Variants in LRMDA observed in about 807,000 individuals in gnomAD.
LRMDA encodes the protein leucine-rich melanocyte differentiation-associated protein.
In LRMDA, 18 loss-of-function variants were observed where a neutral mutation model predicts 29.8. The observed-to-expected ratio is 0.60, with a 90% CI of 0.42 to 0.90. The LOEUF (loss-of-function observed/expected upper bound fraction) is 0.90. Ranked by LOEUF, LRMDA falls within the 40% of genes least tolerant of loss-of-function variation. The pLI is 0.00. For missense variants in LRMDA, 273 were observed against 273.9 expected, an observed-to-expected ratio of 1.00 and a Z score of 0.02; for synonymous variants, 125 against 109.4, an observed-to-expected ratio of 1.14 and a Z score of -0.89.
At chr10:76,154,983 C>T (rs768615418) in intron 5 of LRMDA, among the ~76,000 whole-genome samples, 21 of 152,228 alleles carry the variant, frequency 1.4e-4, no homozygotes, top group Middle Eastern at 3.4e-3. Flanking sequence ...TAAGTCATTT[C>T]GGCTCTCATT....
chr10:76,204,528 C>CAGTT (rs1418473947), intron 5 of LRMDA, among the ~76,000 whole-genome samples: 3 of 152,226 alleles, frequency 2.0e-5, no homozygotes, highest in Non-Finnish European at 2.9e-5. Context: ...AAACAAGACA[C>CAGTT]AGTTTTTAAA....
chr10:76,484,910 C>T (rs932022118), intron 6 of LRMDA, among the ~76,000 whole-genome samples: 15 of 151,796 alleles, frequency 9.9e-5, no homozygotes, highest in Admixed American at 4.6e-4. Context: ...TCTTTATCTC[C>T]GATAATTTTC....
chr10:76,177,024 C>A (rs1850949234), intron 5 of LRMDA, among the ~76,000 whole-genome samples: 1 of 152,198 alleles, frequency 6.6e-6, no homozygotes, highest in Non-Finnish European at 1.5e-5. Flanking sequence ...AGGACCTGGG[C>A]ACCCAATGGT....
chr10:75,963,237 T>C (rs1483778069), intron 2 of LRMDA, among the ~76,000 whole-genome samples: 1 of 152,198 alleles, frequency 6.6e-6, no homozygotes, highest in Non-Finnish European at 1.5e-5. Flanking sequence ...AATAAAGTAA[T>C]CCAAGAATCT....
intron 2 of LRMDA, among the ~76,000 whole-genome samples, chr10:75,660,463 A>G (rs1841737769): frequency 6.6e-6 from 1 of 152,202 alleles, no homozygotes. Context: ...GCCACCATTG[A>G]TGCCTCTGTT....
intron 2 of LRMDA, among the ~76,000 whole-genome samples, chr10:75,778,308 C>A (rs889102211): frequency 6.6e-6 from 1 of 152,086 alleles, no homozygotes; most frequent in Non-Finnish European, 1.5e-5. Context: ...GAACTCCTGG[C>A]CTCAAGTGAT....
intron 5 of LRMDA, among the ~76,000 whole-genome samples, chr10:76,109,577 C>G (rs913594997): frequency 6.6e-6 from 1 of 152,196 alleles, no homozygotes; most frequent in Non-Finnish European, 1.5e-5. Flanking sequence ...AGTTCTTTCT[C>G]TTTTTGCTTT....
intron 2 of LRMDA, among the ~76,000 whole-genome samples, chr10:76,019,905 G>A (rs1462013121): frequency 1.3e-5 from 2 of 152,166 alleles, no homozygotes; most frequent in Non-Finnish European, 2.9e-5. Context: ...GCTGGGCCTG[G>A]GCTTCTGAAT....
intron 2 of LRMDA, among the ~76,000 whole-genome samples, chr10:76,001,196 A>C (rs1320590263): frequency 6.6e-6 from 1 of 152,180 alleles, no homozygotes; most frequent in East Asian, 1.9e-4. Flanking sequence ...CCCCTGTCTG[A>C]GAACGCAGGT....
chr10:75,628,820 T>C (rs1458006254), intron 2 of LRMDA, among the ~76,000 whole-genome samples: 1 of 152,146 alleles, frequency 6.6e-6, no homozygotes, highest in Admixed American at 6.5e-5. Flanking sequence ...GCCACTGGTT[T>C]CCAAAAGTCC....
intron 2 of LRMDA, among the ~76,000 whole-genome samples, chr10:75,827,992 G>A (rs1223004914): frequency 2.0e-5 from 3 of 152,154 alleles, no homozygotes; most frequent in Non-Finnish European, 4.4e-5. Flanking sequence ...TATCTTTGGG[G>A]AACGCAGTAA....
intron 2 of LRMDA, among the ~76,000 whole-genome samples, chr10:75,509,572 T>C (rs1448554653): frequency 6.6e-6 from 1 of 152,196 alleles, no homozygotes; most frequent in Non-Finnish European, 1.5e-5. Context: ...CCAGGCCTTA[T>C]TTTACAGATG....
At chr10:75,485,239 A>G (rs1844897143) in intron 2 of LRMDA, among the ~76,000 whole-genome samples, 1 of 152,200 alleles carries the variant, frequency 6.6e-6, no homozygotes, top group Non-Finnish European at 1.5e-5. Flanking sequence ...AATAAAGTTG[A>G]GAAAAAACAT....
intron 6 of LRMDA, among the ~76,000 whole-genome samples, chr10:76,443,454 C>G (rs1012896243): frequency 6.6e-6 from 1 of 152,056 alleles, no homozygotes; most frequent in Non-Finnish European, 1.5e-5. Flanking sequence ...TAGTACTTTG[C>G]GGATTAGATA....
chr10:75,525,699 A>G (rs915159068), intron 2 of LRMDA, among the ~76,000 whole-genome samples: 1 of 147,176 alleles, frequency 6.8e-6, no homozygotes, highest in Non-Finnish European at 1.5e-5. Context: ...CCCAGCTGGT[A>G]TCCTTACCAT....
chr10:76,216,265 A>G (rs1851726800), intron 5 of LRMDA, among the ~76,000 whole-genome samples: 1 of 152,226 alleles, frequency 6.6e-6, no homozygotes, highest in Admixed American at 6.5e-5. Context: ...CTGAAACAGG[A>G]GGATCACCTG....
At chr10:76,190,810 T>G (rs1851230997) in intron 5 of LRMDA, among the ~76,000 whole-genome samples, 1 of 152,170 alleles carries the variant, frequency 6.6e-6, no homozygotes, top group African/African-American at 2.4e-5. Flanking sequence ...CCAAAACACA[T>G]ACGCTGTAAT....
rs2132039333 is a variant in LRMDA at position 75,463,098 on chromosome 10, G to A, written c.131+24604G>A. On this transcript the variant is annotated intron_variant, in intron 2 of 6. Transcript: ENST00000611255. ...GGAGGCAGCGGATCTGAGGGTGGAG[G>A]AATGCTCCTGCATCCTCTTCTCTCT... Among the ~76,000 whole-genome samples the A allele has an allele frequency of 2.0e-5, 3 of 152,270 alleles. No homozygotes were observed. In the Middle Eastern group the frequency reaches 0.01, roughly 518 times the overall value.
intron 2 of LRMDA, among the ~76,000 whole-genome samples, chr10:76,012,758 A>C (rs1057469167): frequency 6.6e-6 from 1 of 152,102 alleles, no homozygotes; most frequent in African/African-American, 2.4e-5. Flanking sequence ...ACCAGAAGAC[A>C]CTACACAGTG....
Sources: gnomAD v4.1 joint callset for allele counts (sites outside exome capture counted in the v4.1 genomes callset) on GRCh38, gnomAD v4.1.1 for gene constraint, MANE v1.5 for transcripts, NCBI Gene and HGNC (gene_info 2026-07-23, HGNC 2026-07-21) for gene names.